The following RORA variants were observed in gnomAD, a reference collection of about 807,000 sequenced individuals.
RORA encodes the protein RAR related orphan receptor A.
In RORA, 7 loss-of-function variants were observed where a neutral mutation model predicts 69.5. The ratio of observed to expected loss-of-function variants is 0.10; its 90% CI spans 0.06 to 0.19. The LOEUF is 0.19. Ranked by LOEUF, RORA falls within the 10% of genes least tolerant of loss-of-function variation. The probability of loss-of-function intolerance (pLI) is 1.00; values close to 1 mark genes in which losing one functional copy is unlikely to be tolerated. For missense variants in RORA, 457 were observed against 663.0 expected (o/e 0.69, Z 3.41); for synonymous variants, 261 against 240.8 (o/e 1.08, Z -0.78).
chr15:60,690,328 A>C (rs1399769681), intron 1 of RORA, among the ~76,000 whole-genome samples: 1 of 152,184 alleles, frequency 6.6e-6, no homozygotes, highest in African/African-American at 2.4e-5. Flanking sequence ...TGTAACTTCC[A>C]TGTCACTTAA....
At chr15:60,669,960 A>G (rs2070439614) in intron 2 of RORA, among the ~76,000 whole-genome samples, 1 of 152,210 alleles carries the variant, frequency 6.6e-6, no homozygotes, top group Non-Finnish European at 1.5e-5. Flanking sequence ...TTAGGCACAG[A>G]GCAGGGGTTA....
intron 1 of RORA, among the ~76,000 whole-genome samples, chr15:60,969,232 C>T (rs1893641132): frequency 1.3e-5 from 2 of 152,136 alleles, no homozygotes; most frequent in Non-Finnish European, 2.9e-5. Context: ...TTAATAAGTC[C>T]TTTTTGCAGA....
At chr15:61,163,595 C>T (rs551723514) in intron 1 of RORA, among the ~76,000 whole-genome samples, 7 of 152,258 alleles carry the variant, frequency 4.6e-5, no homozygotes, top group East Asian at 1.9e-4. Flanking sequence ...AGGGAAGACA[C>T]GAAATTGAGA....
chr15:61,103,926 C>A (rs1020708015), intron 1 of RORA, among the ~76,000 whole-genome samples: 1 of 152,162 alleles, frequency 6.6e-6, no homozygotes, highest in Admixed American at 6.5e-5. Context: ...AGGGAAGTAG[C>A]AGGGGCTTCT....
chr15:60,780,972 T>C (rs549989072), intron 1 of RORA, among the ~76,000 whole-genome samples: 4 of 152,306 alleles, frequency 2.6e-5, no homozygotes, highest in Non-Finnish European at 5.9e-5. Flanking sequence ...TCACAGTAAC[T>C]TTAGTAGGTG....
At position 60,505,572 on chromosome 15, in the gene RORA, T is replaced by C. The variant is rs2065472815; in HGVS notation, c.878A>G (p.Glu293Gly). 6.2e-7 allele frequency: 1 copy of C among 1,613,746 alleles called. No individual in the cohort carries two copies. The highest frequency in any genetic ancestry group is 1.3e-5 in the African/African-American group (1 of 74,912). ...CTGCCACGTTATCTGCTGGAGCTCT[T>C]CTCTCAAGTATTGGCAGGTTTCCAG... ...SHLETCQYLR[E>G]ELQQITWQTF... The change falls in exon 6 of 11, where the codon GAA (glutamate) becomes GGA (glycine). Residue 293 changes from glutamate to glycine, a missense_variant. Around this residue, in one of 3 missense-constraint regions of RORA, gnomAD observed 304 missense variants for 447.4 expected, o/e 0.68. Transcript: ENST00000335670.
intron 1 of RORA, among the ~76,000 whole-genome samples, chr15:60,952,516 T>C (rs1305584647): frequency 2.0e-5 from 3 of 151,866 alleles, no homozygotes; most frequent in African/African-American, 4.8e-5. Context: ...TGTTTGCAGA[T>C]GACATGATTG....
chr15:60,719,038 G>C (rs188791272), intron 1 of RORA, among the ~76,000 whole-genome samples: 2 of 110,422 alleles, frequency 1.8e-5, no homozygotes, highest in African/African-American at 3.6e-5. Flanking sequence ...TGTGTGTGTG[G>C]GGGGGGTGTG....
At chr15:60,569,755 G>C (rs1021015661) in intron 2 of RORA, among the ~76,000 whole-genome samples, 1 of 152,180 alleles carries the variant, frequency 6.6e-6, no homozygotes, top group Non-Finnish European at 1.5e-5. Context: ...TGCAGACAAG[G>C]AAGGTTTTGA....
chr15:60,627,207 G>C (rs1377039127), intron 2 of RORA: 1 of 1,608,008 alleles, frequency 6.2e-7, no homozygotes, highest in South Asian at 1.1e-5. Flanking sequence ...GTGATCAGCA[G>C]AGCAAAGAAC....
chr15:60,615,869 C>A (rs999335650), intron 2 of RORA, among the ~76,000 whole-genome samples: 2 of 152,146 alleles, frequency 1.3e-5, no homozygotes, highest in Admixed American at 6.5e-5. Context: ...AGGGCTGCTT[C>A]GAAAATAACT....
chr15:60,828,537 G>A (rs1033649424), intron 1 of RORA, among the ~76,000 whole-genome samples: 1 of 152,166 alleles, frequency 6.6e-6, no homozygotes, highest in Non-Finnish European at 1.5e-5. Context: ...GCTGAGTGTG[G>A]AGAGGACACA....
At chr15:61,120,927 A>G (rs1394789582) in intron 1 of RORA, among the ~76,000 whole-genome samples, 3 of 144,562 alleles carry the variant, frequency 2.1e-5, no homozygotes, top group Non-Finnish European at 3.1e-5. Context: ...GGCTCACTGC[A>G]ACCTCCGCCT....
At chr15:61,130,165 G>T (rs946183311) in intron 1 of RORA, among the ~76,000 whole-genome samples, 12 of 152,168 alleles carry the variant, frequency 7.9e-5, no homozygotes, top group Non-Finnish European at 1.5e-4. Context: ...GCTCTGAAAA[G>T]AAATAATATA....
intron 1 of RORA, among the ~76,000 whole-genome samples, chr15:61,214,466 A>G (rs149531468): frequency 7.7e-4 from 118 of 152,370 alleles, no homozygotes; most frequent in East Asian, 2.3e-3. Context: ...ATTGATCATC[A>G]GAGCAAGCAT....
At chr15:60,802,177 A>C (rs575607609) in intron 1 of RORA, among the ~76,000 whole-genome samples, 35 of 152,312 alleles carry the variant, frequency 2.3e-4, no homozygotes, top group African/African-American at 7.7e-4. Context: ...CCAATTCTGC[A>C]CCTGGGCCCT....
At chr15:60,882,312 G>C (rs1270064943) in intron 1 of RORA, among the ~76,000 whole-genome samples, 1 of 152,190 alleles carries the variant, frequency 6.6e-6, no homozygotes, top group South Asian at 2.1e-4. Flanking sequence ...ACTAGGAGGG[G>C]AGTATGCACT....
chr15:60,708,636 G>A (rs1201199527), intron 1 of RORA, among the ~76,000 whole-genome samples: 1 of 152,066 alleles, frequency 6.6e-6, no homozygotes. Flanking sequence ...TAACTCCCCA[G>A]GCTCTTCATA....
At chr15:61,082,520 A>G (rs4774385) in intron 1 of RORA, among the ~76,000 whole-genome samples, 22,270 of 152,118 alleles carry the variant, frequency 0.15, 2,265 homozygotes, top group East Asian at 0.27. Context: ...CACATACACA[A>G]TAATACAGTA....
Sources: allele counts gnomAD v4.1 joint callset (sites outside exome capture counted in the v4.1 genomes callset), GRCh38; gene constraint gnomAD v4.1.1; regional missense constraint gnomAD v4.1.1; transcripts MANE v1.5; gene names NCBI Gene and HGNC (gene_info 2026-07-23, HGNC 2026-07-21).